Variants in ALK observed in about 807,000 individuals in gnomAD.
ALK encodes the protein ALK tyrosine kinase receptor.
Under a neutral mutation model 163.1 loss-of-function variants are expected in ALK, and 74 were observed. The observed-to-expected ratio is 0.45, with a 90% CI of 0.38 to 0.55. The LOEUF (loss-of-function observed/expected upper bound fraction) is 0.55. ALK is among the 20% of genes least tolerant of loss of function. The pLI is 0.00. For missense variants in ALK, 2,063 were observed against 2,105.3 expected, an observed-to-expected ratio of 0.98 and a Z score of 0.39; for synonymous variants, 960 against 843.2, an observed-to-expected ratio of 1.14 and a Z score of -2.40.
At chr2:29,764,253 TG>T (rs969303285) in intron 1 of ALK, among the ~76,000 whole-genome samples, 20 of 152,216 alleles carry the variant, frequency 1.3e-4, no homozygotes, top group African/African-American at 4.1e-4. Context: ...TCCAAGTGAT[TG>T]TGGGGAGGGT....
At position 29,694,928 on chromosome 2, in the gene ALK, G is replaced by A. The variant is rs201750304; in HGVS notation, c.874C>T (p.Arg292Cys). Residue 292 changes from arginine (R) to cysteine (C), a missense_variant, in exon 3 of 29, where the codon CGC becomes TGC. By Grantham distance (180) the Arg-to-Cys change is radical (BLOSUM62 -3). Transcript: ENST00000389048. ...TGGGAGGCCTCCTCGGAGGGGATGC[G>A]GCGCCAGGACCAGCTCTGGTTCCTG... is the stretch of plus-strand genomic sequence containing the variant. ...DLRNQSWSWR[R>C]IPSEEASQMD... is the part of the protein sequence containing the mutation. The A allele has an allele frequency of 4.9e-5, 79 of 1,614,000 alleles. No homozygotes were observed. Among genetic ancestry groups the A allele is most frequent in the Middle Eastern group, 3.3e-4 (2 of 6,078 alleles).
At chr2:29,524,151 A>G (rs1432389023) in intron 4 of ALK, among the ~76,000 whole-genome samples, 1 of 152,168 alleles carries the variant, frequency 6.6e-6, no homozygotes, top group African/African-American at 2.4e-5. Context: ...GCTTTAGAAG[A>G]GGTGCATCCT....
At chr2:29,845,440 A>AT (rs60356489) in intron 1 of ALK, among the ~76,000 whole-genome samples, 4 of 150,902 alleles carry the variant, frequency 2.7e-5, no homozygotes, top group Non-Finnish European at 5.9e-5. Flanking sequence ...CTTTAACGAC[A>AT]TTTTTTTTTT....
chr2:29,398,774 T>G (rs1669373339), intron 4 of ALK, among the ~76,000 whole-genome samples: 1 of 152,182 alleles, frequency 6.6e-6, no homozygotes, highest in Admixed American at 6.6e-5. Context: ...AGATGGAATC[T>G]GGCATGTGAG....
intron 5 of ALK, among the ~76,000 whole-genome samples, chr2:29,369,519 C>T (rs1202918328): frequency 2.0e-5 from 3 of 152,174 alleles, no homozygotes; most frequent in Non-Finnish European, 4.4e-5. Context: ...TTTCAGCCAC[C>T]TTGTCCATGG....
chr2:29,717,878 T>C (rs1293839245), intron 1 of ALK, among the ~76,000 whole-genome samples, 181 bp from the exon 2 acceptor site: 3 of 152,152 alleles, frequency 2.0e-5, no homozygotes, highest in Non-Finnish European at 4.4e-5. Flanking sequence ...GATGTACATT[T>C]TCTATCAAGG....
At chr2:29,302,268 A>T (rs1223918353) in intron 8 of ALK, among the ~76,000 whole-genome samples, 1 of 152,240 alleles carries the variant, frequency 6.6e-6, no homozygotes, top group African/African-American at 2.4e-5. Flanking sequence ...CTGTAATCCC[A>T]GCACTTTGGG....
At chr2:29,861,684 T>C (rs1281773545) in intron 1 of ALK, among the ~76,000 whole-genome samples, 2 of 152,168 alleles carry the variant, frequency 1.3e-5, no homozygotes, top group Non-Finnish European at 2.9e-5. Context: ...GGTTTCATGG[T>C]TGAATTCTAC....
At chr2:29,377,492 A>AG (rs58734797) in intron 5 of ALK, among the ~76,000 whole-genome samples, 1 of 142,664 alleles carries the variant, frequency 7.0e-6, no homozygotes, top group African/African-American at 2.6e-5. Flanking sequence ...AAAAAAAAAA[A>AG]GAGAGAGCTT....
intron 22 of ALK, 78 bp from the exon 23 acceptor site, chr2:29,220,913 C>T (rs2148166942): frequency 6.3e-7 from 1 of 1,591,874 alleles, no homozygotes; most frequent in Non-Finnish European, 8.6e-7. Flanking sequence ...GAACAGGATA[C>T]AAAGTTACAT....
At chr2:29,337,147 A>G (rs888479688) in intron 5 of ALK, among the ~76,000 whole-genome samples, 1 of 152,202 alleles carries the variant, frequency 6.6e-6, no homozygotes, top group Non-Finnish European at 1.5e-5. Context: ...GGGGTATTAG[A>G]AGGCCTGAGA....
intron 6 of ALK, among the ~76,000 whole-genome samples, chr2:29,323,556 C>G (rs1161817700): frequency 6.6e-6 from 1 of 152,170 alleles, no homozygotes; most frequent in East Asian, 1.9e-4. Flanking sequence ...CAAGACAGGC[C>G]AGTGGACAAT....
intron 1 of ALK, among the ~76,000 whole-genome samples, chr2:29,865,657 G>T (rs1324353820): frequency 6.6e-6 from 1 of 152,146 alleles, no homozygotes; most frequent in African/African-American, 2.4e-5. Flanking sequence ...TGTCCACAGG[G>T]GTATGCGGTT....
chr2:29,561,478 A>G (rs1411515827), intron 3 of ALK, among the ~76,000 whole-genome samples: 1 of 152,172 alleles, frequency 6.6e-6, no homozygotes, highest in East Asian at 1.9e-4. Flanking sequence ...AAGCTGAGGG[A>G]CAGGAGCACA....
chr2:29,220,981 G>A (rs1192504999), intron 22 of ALK, 146 bp from the exon 23 acceptor site: 2 of 1,164,408 alleles, frequency 1.7e-6, no homozygotes, highest in Non-Finnish European at 2.5e-6. Flanking sequence ...GGGGTCCCGG[G>A]CTGAGCCTAA....
intron 4 of ALK, among the ~76,000 whole-genome samples, chr2:29,487,017 G>A (rs74462116): frequency 0.031 from 4,660 of 152,300 alleles, 105 homozygotes; most frequent in Non-Finnish European, 0.046. Flanking sequence ...CGAATACAAT[G>A]CCAACTAACT....
At chr2:29,818,053 C>G (rs563762785) in intron 1 of ALK, among the ~76,000 whole-genome samples, 1 of 152,212 alleles carries the variant, frequency 6.6e-6, no homozygotes, top group African/African-American at 2.4e-5. Context: ...AAGTGCATTA[C>G]AGATACCCTC....
chr2:29,868,452 T>C (rs1344087586), intron 1 of ALK, among the ~76,000 whole-genome samples: 3 of 152,168 alleles, frequency 2.0e-5, no homozygotes, highest in East Asian at 3.9e-4. Flanking sequence ...GCATGTGAGA[T>C]GATAAGTGTA....
chr2:29,216,927 TGTGGGGG>T (rs1434346439), intron 23 of ALK, among the ~76,000 whole-genome samples: 20 of 132,828 alleles, frequency 1.5e-4, no homozygotes, highest in African/African-American at 4.9e-4. Flanking sequence ...CTTTATGGTG[TGTGGGGG>T]GTGTGTGTGT....
Sources: allele counts gnomAD v4.1 joint callset (sites outside exome capture counted in the v4.1 genomes callset), GRCh38; gene constraint gnomAD v4.1.1; transcripts MANE v1.5; gene names NCBI Gene and HGNC (gene_info 2026-07-23, HGNC 2026-07-21).